The following MALRD1 variants were observed in gnomAD, a reference collection of about 807,000 sequenced individuals.
MALRD1 encodes the protein MAM and LDL-receptor class A domain-containing protein 1.
Under a neutral mutation model 242.1 loss-of-function variants are expected in MALRD1, and 247 were observed. The ratio of observed to expected loss-of-function variants is 1.02; its 90% CI spans 0.92 to 1.13. The LOEUF (loss-of-function observed/expected upper bound fraction) is 1.13. Ranked by LOEUF, MALRD1 falls within the 50% of genes most tolerant of loss-of-function variation. MALRD1 has a pLI of 0.00. For synonymous variants in MALRD1, 995 were observed against 866.6 expected (o/e 1.15, Z -2.60); for missense variants, 2,989 against 2,533.1 (o/e 1.18, Z -3.86).
intron 33 of MALRD1, among the ~76,000 whole-genome samples, chr10:19,591,506 T>G (rs1837783449): frequency 6.6e-6 from 1 of 151,032 alleles, no homozygotes; most frequent in Non-Finnish European, 1.5e-5. Context: ...AGTTTTTTTT[T>G]TTTTTTTTTT....
chr10:19,118,264 C>A (rs1182817789), intron 5 of MALRD1, among the ~76,000 whole-genome samples: 2 of 152,084 alleles, frequency 1.3e-5, no homozygotes, highest in African/African-American at 2.4e-5. Context: ...TTATTCTGAG[C>A]CAAACATGAG....
At chr10:19,225,235 T>G (rs1837742262) in intron 18 of MALRD1, among the ~76,000 whole-genome samples, 1 of 152,168 alleles carries the variant, frequency 6.6e-6, no homozygotes, top group Non-Finnish European at 1.5e-5. Flanking sequence ...TTGAGAATAT[T>G]TACTGATCCT....
chr10:19,156,402 C>T (rs1834146725), intron 12 of MALRD1, among the ~76,000 whole-genome samples: 1 of 150,554 alleles, frequency 6.6e-6, no homozygotes, highest in South Asian at 2.1e-4. Context: ...CCATTCCCAC[C>T]TCTTTATTTT....
intron 33 of MALRD1, among the ~76,000 whole-genome samples, chr10:19,569,445 C>T (rs1836408062): frequency 6.6e-6 from 1 of 151,614 alleles, no homozygotes; most frequent in African/African-American, 2.4e-5. Flanking sequence ...TCACCTGTCT[C>T]CAAACTCTTT....
At chr10:19,047,355 GGT>G (rs3042212), upstream of MALRD1, among the ~76,000 whole-genome samples, 15,655 of 148,716 alleles carry the variant, frequency 0.11, 930 homozygotes, top group South Asian at 0.21. Flanking sequence ...GTGTTAATTA[GGT>G]GTGTGTGTGT....
intron 34 of MALRD1, among the ~76,000 whole-genome samples, chr10:19,596,502 G>A (rs900086484): frequency 2.6e-5 from 4 of 152,064 alleles, no homozygotes; most frequent in South Asian, 2.1e-4. Context: ...GGCCGAGATC[G>A]GAGGATCCCT....
At chr10:19,708,080 A>T (rs911805046) in intron 38 of MALRD1, among the ~76,000 whole-genome samples, 4 of 120,872 alleles carry the variant, frequency 3.3e-5, no homozygotes, top group African/African-American at 1.0e-4. Flanking sequence ...AGCATCAAAG[A>T]TGATCCCAGA....
At chr10:19,250,225 C>G (rs7923662) in intron 18 of MALRD1, among the ~76,000 whole-genome samples, 28,340 of 151,898 alleles carry the variant, frequency 0.19, 2,915 homozygotes, top group African/African-American at 0.27. Flanking sequence ...ACCTTATTAT[C>G]TCATTTTTAA....
intron 13 of MALRD1, among the ~76,000 whole-genome samples, chr10:19,174,153 C>T (rs1373297261): frequency 1.3e-5 from 2 of 152,082 alleles, no homozygotes; most frequent in South Asian, 2.1e-4. Context: ...GAGAACTCAG[C>T]AAAGATCTTT....
chr10:19,228,635 G>T lies in MALRD1; in HGVS notation c.2991+18955G>T, dbSNP rs188519769. Reference sequence around the variant, plus strand: ...TATTTTTATAGAGTGGAAATCTGCTGAGTGCCAACTTGAGAAGGGTTGAAA... The same window carrying T: ...TATTTTTATAGAGTGGAAATCTGCTTAGTGCCAACTTGAGAAGGGTTGAAA... On this transcript the variant is annotated intron_variant, in intron 18 of 39. Transcript: ENST00000454679. Among the ~76,000 whole-genome samples, 3 of 152,216 alleles carry T rather than the reference G, an allele frequency of 2.0e-5. No individual in the cohort carries two copies. The East Asian group carries it at 5.8e-4, about 29-fold the overall frequency.
At chr10:19,378,282 T>C (rs1396380377) in intron 26 of MALRD1, among the ~76,000 whole-genome samples, 2 of 152,162 alleles carry the variant, frequency 1.3e-5, no homozygotes, top group Non-Finnish European at 2.9e-5. Flanking sequence ...TTCTCCACTG[T>C]AATTTATCAC....
At chr10:19,356,922 A>C (rs1664719506) in intron 26 of MALRD1, among the ~76,000 whole-genome samples, 1 of 152,084 alleles carries the variant, frequency 6.6e-6, no homozygotes, top group Non-Finnish European at 1.5e-5. Context: ...CAGCCTGACC[A>C]ACATGGCAAA....
At chr10:19,358,328 T>TA (rs1844735107) in intron 26 of MALRD1, among the ~76,000 whole-genome samples, 1 of 151,954 alleles carries the variant, frequency 6.6e-6, no homozygotes, top group African/African-American at 2.4e-5. Context: ...AAAACGTATG[T>TA]AAAACAATGA....
intron 33 of MALRD1, among the ~76,000 whole-genome samples, chr10:19,578,559 G>A (rs1292201591): frequency 6.6e-6 from 1 of 152,094 alleles, no homozygotes; most frequent in Non-Finnish European, 1.5e-5. Flanking sequence ...AAATGTGGTG[G>A]CGCATGCCTG....
chr10:19,561,158 C>G (rs1050250668), intron 32 of MALRD1, among the ~76,000 whole-genome samples: 3 of 152,034 alleles, frequency 2.0e-5, no homozygotes, highest in African/African-American at 7.2e-5. Flanking sequence ...TTATTGACTT[C>G]TAGTTTAATT....
intron 31 of MALRD1, among the ~76,000 whole-genome samples, chr10:19,510,221 A>G (rs1263720557): frequency 1.3e-5 from 2 of 152,210 alleles, no homozygotes; most frequent in Admixed American, 6.5e-5. Context: ...GATGGAATAT[A>G]CAATCGAGTT....
At chr10:19,137,615 A>G (rs569598006) in intron 10 of MALRD1, among the ~76,000 whole-genome samples, 2 of 150,136 alleles carry the variant, frequency 1.3e-5, no homozygotes, top group East Asian at 3.9e-4. Flanking sequence ...CTGAAAAAAA[A>G]AAAAAAAAAA....
chr10:19,583,694 T>C (rs1447609317), intron 33 of MALRD1, among the ~76,000 whole-genome samples: 1 of 151,938 alleles, frequency 6.6e-6, no homozygotes, highest in African/African-American at 2.4e-5. Context: ...TCTTTTTTGG[T>C]TGTGTCTCTG....
At chr10:19,206,632 C>T (rs1395135839) in intron 17 of MALRD1, among the ~76,000 whole-genome samples, 1 of 152,162 alleles carries the variant, frequency 6.6e-6, no homozygotes, top group Admixed American at 6.5e-5. Flanking sequence ...ATGTCGGTTT[C>T]TCACACGGCT....
Sources: allele counts gnomAD v4.1 joint callset (sites outside exome capture counted in the v4.1 genomes callset), GRCh38; gene constraint gnomAD v4.1.1; transcripts MANE v1.5; gene names NCBI Gene and HGNC (gene_info 2026-07-23, HGNC 2026-07-21).